Variants in NRF1 observed in about 807,000 individuals in gnomAD.
NRF1 encodes alpha palindromic-binding protein.
NRF1 carries 5 observed loss-of-function variants against 58.5 expected under a neutral mutation model. The observed-to-expected ratio is 0.09, with a 90% CI of 0.04 to 0.18. The LOEUF is 0.18. Among genes scored for constraint, NRF1 ranks in the 10% least tolerant of loss-of-function variants. The pLI is 1.00. For missense variants in NRF1, 288 were observed against 657.7 expected, an observed-to-expected ratio of 0.44 and a Z score of 6.15; for synonymous variants, 224 against 246.7, an observed-to-expected ratio of 0.91 and a Z score of 0.86.
At chr7:129,636,536 C>A (rs1801172468) in intron 1 of NRF1, among the ~76,000 whole-genome samples, 1 of 152,218 alleles carries the variant, frequency 6.6e-6, no homozygotes, top group African/African-American at 2.4e-5. Context: ...GCGTCAGCCA[C>A]TGCACCTGGC....
chr7:129,637,076 A>G (rs979391461), intron 1 of NRF1, among the ~76,000 whole-genome samples: 2 of 152,156 alleles, frequency 1.3e-5, no homozygotes, highest in Non-Finnish European at 2.9e-5. Flanking sequence ...CCAACTGTAC[A>G]GTGAAATACT....
chr7:129,634,086 T>G (rs1456740992), intron 1 of NRF1, among the ~76,000 whole-genome samples: 1 of 131,600 alleles, frequency 7.6e-6, no homozygotes, highest in African/African-American at 2.9e-5. Flanking sequence ...ACACACACAC[T>G]TTATTTTTTA....
intron 10 of NRF1, among the ~76,000 whole-genome samples, chr7:129,729,799 G>A (rs138423116): frequency 1.1e-4 from 16 of 152,078 alleles, no homozygotes; most frequent in African/African-American, 2.2e-4. Flanking sequence ...TCATTCTTTC[G>A]GATTCTGTCC....
chr7:129,652,715 C>A (rs181191830), intron 1 of NRF1, among the ~76,000 whole-genome samples: 1 of 152,240 alleles, frequency 6.6e-6, no homozygotes, highest in Admixed American at 6.5e-5. Context: ...CTCAGCCTCC[C>A]GAGTAGCTGG....
Position 129,710,527 on chromosome 7 carries a change from G to A in NRF1, c.919G>A (p.Val307Ile). 1 of 1,603,704 alleles carries A rather than the reference G, an allele frequency of 6.2e-7. No individual in the cohort carries two copies. Among genetic ancestry groups the A allele is most frequent in the Non-Finnish European group, 8.5e-7 (1 of 1,170,510 alleles). The change falls in exon 7 of 11, where the codon GTC (valine) becomes ATC (isoleucine). Residue 307 changes from valine to isoleucine, a missense_variant. Around this residue, in one of 3 missense-constraint regions of NRF1, gnomAD observed 212 missense variants for 559.7 expected, o/e 0.38. Transcript: ENST00000393232. ...TCATCTTGTACCATCACAGACTGTA[G>A]TCCAGACTTTTAGTAACCCTGATGG... is the stretch of plus-strand genomic sequence containing the variant. Reference protein sequence around the residue: ...IAHLVPSQTVVQTFSNPDGTV... With the variant: ...IAHLVPSQTVIQTFSNPDGTV...
chr7:129,658,554 G>A (rs1801709970), intron 2 of NRF1, among the ~76,000 whole-genome samples: 1 of 149,960 alleles, frequency 6.7e-6, no homozygotes, highest in Non-Finnish European at 1.5e-5. Context: ...TTACACCACT[G>A]CACTACAGCG....
intron 1 of NRF1, among the ~76,000 whole-genome samples, chr7:129,613,279 C>T (rs909120191): frequency 5.7e-4 from 87 of 152,044 alleles, no homozygotes; most frequent in African/African-American, 1.8e-3. Flanking sequence ...GTGCTGGAGT[C>T]TTGGAGATGC....
intron 1 of NRF1, among the ~76,000 whole-genome samples, chr7:129,613,371 C>A (rs1800585068): frequency 6.6e-6 from 1 of 152,004 alleles, no homozygotes; most frequent in African/African-American, 2.4e-5. Context: ...CAGGTTACCC[C>A]GTAAGACAGT....
intron 10 of NRF1, among the ~76,000 whole-genome samples, chr7:129,739,032 G>A (rs1161280278): frequency 6.6e-6 from 1 of 152,196 alleles, no homozygotes; most frequent in African/African-American, 2.4e-5. Context: ...AAGAATGGTG[G>A]CAGCTATGTT....
At chr7:129,648,472 G>C (rs540298326) in intron 1 of NRF1, among the ~76,000 whole-genome samples, 1,594 of 151,770 alleles carry the variant, frequency 0.011, 34 homozygotes, top group East Asian at 0.055. Context: ...GTAGAGACGG[G>C]GTTTCACCGT....
chr7:129,683,941 T>G (rs1252630757), intron 4 of NRF1, among the ~76,000 whole-genome samples: 1 of 152,130 alleles, frequency 6.6e-6, no homozygotes, highest in Non-Finnish European at 1.5e-5. Context: ...CTGGAAATTT[T>G]TAAAAGAAAA....
chr7:129,717,409 C>T (rs377376736), intron 9 of NRF1, 33 bp downstream of exon 9: 11 of 1,579,678 alleles, frequency 7.0e-6, no homozygotes, highest in East Asian at 2.3e-5. Context: ...AAGTGAGGAT[C>T]GCAAATCTGT....
intron 1 of NRF1, 21 bp from the exon 2 acceptor site, chr7:129,657,325 T>A (rs1243133612): frequency 1.9e-6 from 3 of 1,538,906 alleles, no homozygotes; most frequent in Non-Finnish European, 2.7e-6. Context: ...CCTGTTCTTT[T>A]TCTTTTTTGT....
chr7:129,714,086 C>G (rs1289801273), intron 8 of NRF1, among the ~76,000 whole-genome samples: 1 of 152,170 alleles, frequency 6.6e-6, no homozygotes, highest in Non-Finnish European at 1.5e-5. Flanking sequence ...TAAGAAAGCA[C>G]TGAGACTCAG....
At chr7:129,636,327 T>C (rs370665845) in intron 1 of NRF1, among the ~76,000 whole-genome samples, 15 of 149,716 alleles carry the variant, frequency 1.0e-4, no homozygotes, top group African/African-American at 3.0e-4. Flanking sequence ...CTCCATCTCC[T>C]GGGTTCAAGC....
At chr7:129,683,134 C>G (rs1417781214) in intron 4 of NRF1, among the ~76,000 whole-genome samples, 2 of 151,846 alleles carry the variant, frequency 1.3e-5, no homozygotes, top group Non-Finnish European at 2.9e-5. Context: ...AACTCCTGAC[C>G]TCAAGTGATT....
chr7:129,692,124 G>T (rs557010132), intron 5 of NRF1, among the ~76,000 whole-genome samples: 1 of 152,006 alleles, frequency 6.6e-6, no homozygotes, highest in African/African-American at 2.4e-5. Flanking sequence ...GGTCATGTCA[G>T]TTCACCTCTG....
At chr7:129,744,490 A>C (rs1484677499) in intron 10 of NRF1, among the ~76,000 whole-genome samples, 1 of 152,144 alleles carries the variant, frequency 6.6e-6, no homozygotes, top group Non-Finnish European at 1.5e-5. Context: ...GCTGGAGTGC[A>C]GTGGCTATTC....
intron 4 of NRF1, among the ~76,000 whole-genome samples, chr7:129,684,082 AAAAG>A (rs1441006260): frequency 6.6e-6 from 1 of 152,168 alleles, no homozygotes; most frequent in African/African-American, 2.4e-5. Context: ...AGAAAGTTGG[AAAAG>A]AAAGAAACTC....
Sources: gnomAD v4.1 joint callset for allele counts (sites outside exome capture counted in the v4.1 genomes callset) on GRCh38, gnomAD v4.1.1 for gene constraint, gnomAD v4.1.1 regional missense constraint, MANE v1.5 for transcripts, NCBI Gene and HGNC (gene_info 2026-07-23, HGNC 2026-07-21) for gene names.